SETD5: variants seen among roughly 807,000 people sequenced by gnomAD.
The protein encoded by SETD5 is SET domain containing 5.
In SETD5, 44 loss-of-function variants were observed where a neutral mutation model predicts 153.3. That is an observed-to-expected ratio of 0.29 (90% CI 0.23 to 0.37). The LOEUF (loss-of-function observed/expected upper bound fraction) is 0.37. Ranked by LOEUF, SETD5 falls within the 10% of genes least tolerant of loss-of-function variation. The pLI is 1.00. For synonymous variants in SETD5, 716 were observed against 645.2 expected, an observed-to-expected ratio of 1.11 and a Z score of -1.66; for missense variants, 1,544 against 1,768.0, an observed-to-expected ratio of 0.87 and a Z score of 2.27.
chr3:9,413,649 GGTGTGTGTGTGTGTGT>G (rs1160123997), intron 1 of SETD5, among the ~76,000 whole-genome samples: 8 of 140,364 alleles, frequency 5.7e-5, no homozygotes, highest in African/African-American at 8.1e-5. Flanking sequence ...GGGGAGGCGG[GGTGTGTGTGTGTGTGT>G]GTGTGTGTGT....
chr3:9,402,958 A>C (rs1262053115), intron 1 of SETD5, among the ~76,000 whole-genome samples: 1 of 151,958 alleles, frequency 6.6e-6, no homozygotes, highest in Non-Finnish European at 1.5e-5. Context: ...TGTCAGACTG[A>C]CTCCCTTATT....
At chr3:9,462,586 CAA>C (rs111829236) in intron 17 of SETD5, among the ~76,000 whole-genome samples, 9 of 81,686 alleles carry the variant, frequency 1.1e-4, no homozygotes, top group Admixed American at 1.4e-4. Context: ...GAGTCCGTCT[CAA>C]AAAAAAAAAA....
Position 9,464,611 on chromosome 3 carries a change from T to C in SETD5, c.2663T>C (p.Met888Thr). Residue 888 changes from methionine (M) to threonine (T), a missense_variant, in exon 18 of 23, where the codon ATG becomes ACG. By Grantham distance (81) the Met-to-Thr change is moderately conservative. Coordinates refer to ENST00000402198, the MANE Select transcript of SETD5 (RefSeq NM_001080517.3). ...GAGTGTCGAAATGGATACAGCCTCATGTTTTCACCAGTCACATCTCTTACT... is the reference window on the plus strand; with the variant it reads ...GAGTGTCGAAATGGATACAGCCTCACGTTTTCACCAGTCACATCTCTTACT... ...EEECRNGYSL[M>T]FSPVTSLTTA... 1 of 1,614,012 alleles carries C rather than the reference T, an allele frequency of 6.2e-7. No homozygotes were observed. Among genetic ancestry groups the C allele is most frequent in the African/African-American group, 1.3e-5 (1 of 75,054 alleles).
At chr3:9,464,171 C>G (rs919523890) in intron 17 of SETD5, among the ~76,000 whole-genome samples, 7 of 152,216 alleles carry the variant, frequency 4.6e-5, no homozygotes, top group African/African-American at 1.4e-4. Context: ...ATATTTTGCA[C>G]TGGTAGAAAT....
At chr3:9,404,926 T>G (rs1171178038) in intron 1 of SETD5, among the ~76,000 whole-genome samples, 1 of 152,250 alleles carries the variant, frequency 6.6e-6, no homozygotes, top group African/African-American at 2.4e-5. Context: ...ATCTTGCCTG[T>G]GCAGCTGCTC....
At chr3:9,421,122 G>T (rs955333333) in intron 1 of SETD5, among the ~76,000 whole-genome samples, 2 of 151,678 alleles carry the variant, frequency 1.3e-5, no homozygotes, top group African/African-American at 2.4e-5. Flanking sequence ...TGAATTGCCT[G>T]AGCTAGTTGG....
At chr3:9,455,730 T>A (rs1437958595) in intron 17 of SETD5, among the ~76,000 whole-genome samples, 1 of 152,202 alleles carries the variant, frequency 6.6e-6, no homozygotes, top group East Asian at 1.9e-4. Context: ...GTGTGTGTGT[T>A]AATGCATGTG....
intron 2 of SETD5, among the ~76,000 whole-genome samples, chr3:9,425,228 A>AT (rs1426885137): frequency 1.3e-5 from 2 of 151,040 alleles, no homozygotes; most frequent in African/African-American, 2.4e-5. Flanking sequence ...TGCCCGGCTA[A>AT]TTTTTTTGTA....
chr3:9,474,540 C>T lies in SETD5; in HGVS notation c.3589C>T (p.Pro1197Ser). ...SSVRVAQKGE[P>S]SPTWESNITE... ...CGTGAGGGTGGCCCAAAAGGGAGAGCCCTCTCCCACATGGGAGAGTAACAT... is the reference window on the plus strand; with the variant it reads ...CGTGAGGGTGGCCCAAAAGGGAGAGTCCTCTCCCACATGGGAGAGTAACAT... The change falls in exon 21 of 23, where the codon CCC (proline) becomes TCC (serine). Residue 1197 changes from proline to serine, a missense_variant. Pro to Ser is a moderately conservative substitution (Grantham distance 74, BLOSUM62 -1). Around this residue, in one of 9 missense-constraint regions of SETD5, gnomAD observed 38 missense variants for 71.4 expected, o/e 0.53. Transcript: ENST00000402198. 1 of 1,613,860 alleles carries T rather than the reference C, an allele frequency of 6.2e-7. No individual in the cohort carries two copies. Among genetic ancestry groups the T allele is most frequent in the Non-Finnish European group, 8.5e-7 (1 of 1,179,828 alleles).
rs1196283576 is a variant in SETD5 at position 9,476,619 on chromosome 3, G to A, written c.*528G>A. The A allele has an allele frequency of 4.6e-5, 7 of 153,790 alleles. No individual in the cohort carries two copies. 9.5% of individuals were successfully genotyped at this position (153,790 alleles called of 1,614,324 possible). On this transcript the variant is annotated 3_prime_UTR_variant, in exon 23 of 23. Transcript: ENST00000402198. The stretch of plus-strand genomic sequence containing the variant: ...ACAACCATTCCAAAAGCAGGTATCT[G>A]GCCAATGTGTGTCCACCAAGAATAC...
Position 9,447,275 on chromosome 3 carries a change from G to T in SETD5, c.1750G>T (p.Gly584Cys). The T allele has an allele frequency of 3.1e-6, 5 of 1,613,896 alleles. No homozygotes were observed. The highest frequency in any genetic ancestry group is 4.2e-6 in the Non-Finnish European group (5 of 1,179,858). ...CATCCCAAGCACCCCACAGAGTGTTGGTGTGAATACCCGGAGGTCTTCCCA... is the reference window on the plus strand; with the variant it reads ...CATCCCAAGCACCCCACAGAGTGTTTGTGTGAATACCCGGAGGTCTTCCCA... ...VTIPSTPQSV[G>C]VNTRRSSQAG... Residue 584 changes from glycine (G) to cysteine (C), a missense_variant, in exon 14 of 23, where the codon GGT (glycine) becomes TGT (cysteine). Physicochemically the swap from Gly to Cys is radical, Grantham distance 159. This residue lies in a region of SETD5 where 782 missense variants were observed against 787.2 expected (regional missense o/e 0.99). Transcript: ENST00000402198.
intron 22 of SETD5, 28 bp downstream of exon 22, chr3:9,475,184 C>T (rs376164768): frequency 8.4e-5 from 130 of 1,551,240 alleles, no homozygotes; most frequent in Non-Finnish European, 1.0e-4. Flanking sequence ...TGGTCTCTAG[C>T]CATAGGAGTG....
Position 9,435,790 on chromosome 3 carries a change from A to G in SETD5, c.451A>G (p.Thr151Ala). The G allele has an allele frequency of 6.2e-7, 1 of 1,603,182 alleles. No individual in the cohort carries two copies. The highest frequency in any genetic ancestry group is 8.5e-7 in the Non-Finnish European group (1 of 1,174,580). Residue 151 changes from threonine (T) to alanine (A), a missense_variant, in exon 7 of 23, where the codon ACA (threonine) becomes GCA (alanine). By Grantham distance (58) the Thr-to-Ala change is moderately conservative. Around this residue, in one of 9 missense-constraint regions of SETD5, gnomAD observed 251 missense variants for 326.9 expected, o/e 0.77. Transcript: ENST00000402198. ...GCTTTCTCCTTCCACTGTGTTGTAT[A>G]CAGCAACACAGCACACACCTACAAG... ...EELSPSTVLY[T>A]ATQHTPTSIT...
At chr3:9,452,659 A>ATTTTTTTTTTTTT (rs1164278885) in intron 16 of SETD5, among the ~76,000 whole-genome samples, 3 of 59,822 alleles carry the variant, frequency 5.0e-5, no homozygotes, top group South Asian at 5.8e-4. Flanking sequence ...ATGATGTAAG[A>ATTTTTTTTTTTTT]TTTTTTTTTT....
intron 3 of SETD5, chr3:9,433,263 G>T: frequency 2.9e-6 from 2 of 694,854 alleles, no homozygotes; most frequent in Non-Finnish European, 4.2e-6. Context: ...CATGTCATTG[G>T]TGGATGAGAA....
chr3:9,439,453 C>T (rs912005255), intron 7 of SETD5, among the ~76,000 whole-genome samples: 1 of 152,158 alleles, frequency 6.6e-6, no homozygotes, highest in Admixed American at 6.5e-5. Context: ...TTTTATTGTA[C>T]CTGTTTGCAA....
chr3:9,461,427 A>G (rs2043942824), intron 17 of SETD5, among the ~76,000 whole-genome samples: 1 of 152,182 alleles, frequency 6.6e-6, no homozygotes, highest in Non-Finnish European at 1.5e-5. Context: ...AAAATTTACC[A>G]GGATATTAGC....
At position 9,419,917 on chromosome 3, in the gene SETD5, T is replaced by G. The variant is rs142746689; in HGVS notation, c.-176-4550T>G. Among the ~76,000 whole-genome samples the G allele has an allele frequency of 9.0e-4, 137 of 152,296 alleles. 1 individual carries two copies. The East Asian group carries it at 0.025, about 28-fold the overall frequency. ...CACAGAGAGGAGGCACGTGTAGAGA[T>G]ATGAGAAGTTCTTTTCCTACTCTAC... On this transcript the variant is annotated intron_variant, in intron 1 of 22. Coordinates refer to ENST00000402198, the MANE Select transcript of SETD5 (RefSeq NM_001080517.3).
At chr3:9,453,186 G>T (rs1031449131) in intron 16 of SETD5, among the ~76,000 whole-genome samples, 3 of 152,082 alleles carry the variant, frequency 2.0e-5, no homozygotes, top group Admixed American at 6.5e-5. Flanking sequence ...TTGTTGGAGG[G>T]GGGAGTCCCA....
Sources: gnomAD v4.1 joint callset for allele counts (sites outside exome capture counted in the v4.1 genomes callset) on GRCh38, gnomAD v4.1.1 for gene constraint, gnomAD v4.1.1 regional missense constraint, MANE v1.5 for transcripts, NCBI Gene and HGNC (gene_info 2026-07-23, HGNC 2026-07-21) for gene names.